The following C1R variants were observed in gnomAD, a reference collection of about 807,000 sequenced individuals.
C1R encodes the protein complement C1r.
In C1R, 15 loss-of-function variants were observed where a neutral mutation model predicts 27.6. That is an observed-to-expected ratio of 0.54 (90% CI 0.36 to 0.84). The LOEUF is 0.84. C1R is among the 40% of genes least tolerant of loss of function. The pLI is 0.01. For synonymous variants in C1R, 253 were observed against 228.8 expected (o/e 1.11, Z -0.95); for missense variants, 544 against 577.9 (o/e 0.94, Z 0.60).
Position 7,086,177 on chromosome 12 carries a change from T to G in C1R, c.1118-161A>C, listed in dbSNP as rs1273646851. Among the ~76,000 whole-genome samples, 7 of 152,186 alleles carry G rather than the reference T, an allele frequency of 4.6e-5. No homozygotes were observed. In the East Asian group the frequency reaches 1.4e-3, roughly 29 times the overall value. On this transcript the variant is annotated intron_variant, in intron 8 of 10. Coordinates refer to ENST00000647956, the MANE Select transcript of C1R (RefSeq NM_001733.7). The stretch of plus-strand genomic sequence containing the variant: ...TGGACAGGAGTTGGGTGGTATGAAA[T>G]TCAATTCTGGGTAGAGCCCATCCAT...
At chr12:7,086,556 C>T (rs1938159841) in intron 7 of C1R, 99 bp from the exon 8 acceptor site, 1 of 395,028 alleles carries the variant, frequency 2.5e-6, no homozygotes, top group African/African-American at 2.1e-5. Context: ...ACCAAGACAT[C>T]TCTTGGCTCC....
At position 7,091,551 on chromosome 12, in the gene C1R, T is replaced by A; in HGVS notation, c.132A>T (p.Thr44=). 1.3e-6 allele frequency: 1 copy of A among 778,288 alleles called. No homozygotes were observed. Among genetic ancestry groups the A allele is most frequent in the Non-Finnish European group, 2.4e-6 (1 of 416,914 alleles). 48.2% of individuals were successfully genotyped at this position (778,288 alleles called of 1,614,324 possible). A position where few individuals can be genotyped will look rare whatever the true frequency, so the allele number is the denominator to read the frequency against. The change falls in exon 2 of 11, where the codon ACA becomes ACT. Residue 44 remains threonine, a synonymous_variant. Coordinates refer to ENST00000647956, the MANE Select transcript of C1R (RefSeq NM_001733.7). This position sits in a 1 kb window ranked among gnomAD's most constrained non-coding sequence, Gnocchi z 5.1. ...FPKPYPNNFE[T]TTVITVPTGY... ...CCGTGGGGACTGTGATCACAGTGGT[T>A]GTTTCAAAGTTGTTGGGGTAAGGCT...
chr12:7,085,712 T>C (rs1938145970), intron 9 of C1R, 149 bp downstream of exon 9: 3 of 395,904 alleles, frequency 7.6e-6, no homozygotes, highest in Non-Finnish European at 1.3e-5. Context: ...ACCTACTAGG[T>C]TCCTGTTAGC....
chr12:7,082,700 G>A (rs1391462390), intron 9 of C1R, among the ~76,000 whole-genome samples: 2 of 152,148 alleles, frequency 1.3e-5, no homozygotes, highest in African/African-American at 4.8e-5. Flanking sequence ...AAACCAGAAG[G>A]AATATATCAA....
rs757501404 is a variant in C1R, at chr12:7,080,992, T to C, written c.1658A>G (p.Asn553Ser). 2.5e-6 allele frequency: 4 copies of C among 1,613,966 alleles called. No homozygotes were observed. Among genetic ancestry groups the C allele is most frequent in the South Asian group, 1.1e-5 (1 of 91,084 alleles). The change falls in exon 11 of 11, where the codon AAT (asparagine) becomes AGT (serine). Residue 553 changes from asparagine to serine, a missense_variant. Around this residue, in one of 2 missense-constraint regions of C1R, gnomAD observed 253 missense variants for 368.9 expected, o/e 0.69. Transcript: ENST00000647956. The surrounding 1 kb of genome is among the most constrained non-coding windows in gnomAD (Gnocchi z 4.9). Reference sequence around the variant, plus strand: ...CAGCAGGGCGATGTCCCCCTCAAAATTGTAGGACTCATCCTGACGGTAGTC... The same window carrying C: ...CAGCAGGGCGATGTCCCCCTCAAAACTGTAGGACTCATCCTGACGGTAGTC... Reference protein sequence around the residue: ...HPDYRQDESYNFEGDIALLEL... With the variant: ...HPDYRQDESYSFEGDIALLEL...
At chr12:7,086,836 T>C (rs1179324637) in intron 7 of C1R, 1 of 159,518 alleles carries the variant, frequency 6.3e-6, no homozygotes, top group Admixed American at 6.5e-5. Context: ...AGGGCAGAAC[T>C]GTGTTTCTCT....
chr12:7,089,937 C>T (rs1029753488), intron 3 of C1R, 119 bp downstream of exon 3: 14 of 700,860 alleles, frequency 2.0e-5, no homozygotes, highest in Admixed American at 1.0e-4. Context: ...AAAGCTCTCT[C>T]GAGGGGAGGA....
chr12:7,088,688 G>C lies in C1R; in HGVS notation c.960C>G (p.Ile320Met). Residue 320 changes from isoleucine to methionine, a missense_variant, in exon 7 of 11, where the codon ATC becomes ATG. Ile to Met is a conservative substitution (Grantham distance 10). Around this residue, in one of 2 missense-constraint regions of C1R, gnomAD observed 291 missense variants for 209.0 expected, o/e 1.39. Coordinates refer to ENST00000647956, the MANE Select transcript of C1R (RefSeq NM_001733.7). ...PQPKTLDEFT[I>M]IQNLQPQYQF... ...GGTACTGAGGCTGCAGGTTCTGGAT[G>C]ATGGTGAACTCGTCTAGGGTCTTGG... The C allele has an allele frequency of 1.3e-6, 1 of 773,516 alleles. No individual in the cohort carries two copies. The highest frequency in any genetic ancestry group is 2.4e-6 in the Non-Finnish European group (1 of 414,608). The allele number at this position is 773,516 out of a possible 1,614,324, so 47.9% of individuals were successfully genotyped here.
chr12:7,088,861 C>T lies in C1R; in HGVS notation c.894G>A (p.Trp298Ter). The T allele has an allele frequency of 2.6e-6, 2 of 774,166 alleles. No individual in the cohort carries two copies. The highest frequency in any genetic ancestry group is 4.8e-6 in the Non-Finnish European group (2 of 415,478). 48.0% of individuals were successfully genotyped at this position (774,166 alleles called of 1,614,324 possible). ...TACTCTCGGTGGTGTAGCGCAGCTT[C>T]CAGCCCCGGCTGTCCCCCGACTCAT... ...FTDESGDSRG[W>*]KLRYTTEIIK... Residue 298 changes from tryptophan (W) to a stop codon, truncating the protein, a stop_gained, in exon 6 of 11, where the codon TGG becomes TGA. Coordinates refer to ENST00000647956, the MANE Select transcript of C1R (RefSeq NM_001733.7). LOFTEE classifies it high-confidence loss of function.
intron 2 of C1R, among the ~76,000 whole-genome samples, chr12:7,090,858 G>A (rs781730034): frequency 4.5e-4 from 68 of 152,290 alleles, no homozygotes; most frequent in Non-Finnish European, 7.8e-4. Context: ...CCGGTAAGAC[G>A]TGCCATTGTC....
At position 7,085,079 on chromosome 12, in the gene C1R, G is replaced by A. The variant is rs909330707; in HGVS notation, c.1273+782C>T. The stretch of plus-strand genomic sequence containing the variant: ...TGGTGTTGGTAATGATAGTGGTGAT[G>A]GTGGTGATGGTGGTGTTAGTGTGGT... On this transcript the variant is annotated intron_variant, in intron 9 of 10. Coordinates refer to ENST00000647956, the MANE Select transcript of C1R (RefSeq NM_001733.7). Among the ~76,000 whole-genome samples the A allele has an allele frequency of 3.0e-3, 363 of 120,076 alleles. 9 individuals are homozygous for A. The East Asian group carries it at 0.063, about 21-fold the overall frequency. The allele number at this position is 120,076 out of a possible 152,430, so 78.8% of individuals were successfully genotyped here. A position where few individuals can be genotyped will look rare whatever the true frequency, so the allele number is the denominator to read the frequency against.
At chr12:7,084,973 T>A (rs1331662075) in intron 9 of C1R, among the ~76,000 whole-genome samples, 4 of 149,520 alleles carry the variant, frequency 2.7e-5, no homozygotes, top group Non-Finnish European at 5.9e-5. Context: ...ATGGTGATGG[T>A]GCTGATGATG....
At position 7,090,219 on chromosome 12, in the gene C1R, C is replaced by A. The variant is rs768142600; in HGVS notation, c.261G>T (p.Arg87Ser). The A allele has an allele frequency of 1.4e-6, 1 of 739,962 alleles. No homozygotes were observed. The highest frequency in any genetic ancestry group is 2.5e-6 in the Non-Finnish European group (1 of 395,982). 45.8% of individuals were successfully genotyped at this position (739,962 alleles called of 1,614,324 possible). A position where few individuals can be genotyped will look rare whatever the true frequency, so the allele number is the denominator to read the frequency against. ...KISADKKSLG[R>S]FCGQLGSPLG... is the part of the protein sequence containing the mutation. ...GTGGAGAACCCAGTTGCCCACAGAA[C>A]CTCCCCAGGCTTTTCTTATCAGCAG... Residue 87 changes from arginine (R) to serine (S), a missense_variant, in exon 3 of 11, where the codon AGG becomes AGT. Around this residue, in one of 2 missense-constraint regions of C1R, gnomAD observed 291 missense variants for 209.0 expected, o/e 1.39. Coordinates refer to ENST00000647956, the MANE Select transcript of C1R (RefSeq NM_001733.7).
chr12:7,092,148 C>T (rs2135746152), intron 1 of C1R: 1 of 612,260 alleles, frequency 1.6e-6, no homozygotes, highest in African/African-American at 1.8e-5. Context: ...TCTCGCTGCT[C>T]CCTGCCAAGA....
chr12:7,090,205 A>C lies in C1R; in HGVS notation c.275T>G (p.Leu92Arg), dbSNP rs1591591259. Reference protein sequence around the residue: ...KKSLGRFCGQLGSPLGNPPGK... With the variant: ...KKSLGRFCGQRGSPLGNPPGK... ...CGGGGGGTTGCCCAGTGGAGAACCC[A>C]GTTGCCCACAGAACCTCCCCAGGCT... Residue 92 changes from leucine (L) to arginine (R), a missense_variant, in exon 3 of 11, where the codon CTG becomes CGG. By Grantham distance (102) the Leu-to-Arg change is moderately radical (BLOSUM62 -2). This residue lies in a region of C1R where 291 missense variants were observed against 209.0 expected (regional missense o/e 1.39). Coordinates refer to ENST00000647956, the MANE Select transcript of C1R (RefSeq NM_001733.7). 5.4e-6 allele frequency: 4 copies of C among 746,124 alleles called. No individual in the cohort carries two copies. The highest frequency in any genetic ancestry group is 1.0e-5 in the Non-Finnish European group (4 of 399,372). 46.2% of individuals were successfully genotyped at this position (746,124 alleles called of 1,614,324 possible). A position where few individuals can be genotyped will look rare whatever the true frequency, so the allele number is the denominator to read the frequency against.
At chr12:7,085,257 T>C (rs1464100727) in intron 9 of C1R, among the ~76,000 whole-genome samples, 2 of 151,100 alleles carry the variant, frequency 1.3e-5, no homozygotes, top group Admixed American at 1.3e-4. Context: ...ATGGTGGTGG[T>C]GATCATGGTA....
chr12:7,081,731 G>T (rs1938068272), intron 10 of C1R, among the ~76,000 whole-genome samples: 2 of 152,146 alleles, frequency 1.3e-5, no homozygotes, highest in Non-Finnish European at 2.9e-5. Context: ...GACCTCAGGT[G>T]ATCCGCTTGC....
At chr12:7,084,990 G>T (rs1001468085) in intron 9 of C1R, among the ~76,000 whole-genome samples, 2 of 148,510 alleles carry the variant, frequency 1.3e-5, no homozygotes, top group South Asian at 2.1e-4. Flanking sequence ...GATGGTGTTG[G>T]TGGTGATGGT....
chr12:7,087,720 T>A (rs1938177004), intron 7 of C1R: 1 of 154,412 alleles, frequency 6.5e-6, no homozygotes, highest in African/African-American at 2.4e-5. Flanking sequence ...CATTCAAATG[T>A]GAGCTCCACA....
Sources: gnomAD v4.1 joint callset for allele counts (sites outside exome capture counted in the v4.1 genomes callset) on GRCh38, gnomAD v4.1.1 for gene constraint, gnomAD v4.1.1 regional missense constraint, Gnocchi (gnomAD v3.1) non-coding constraint, MANE v1.5 for transcripts, NCBI Gene and HGNC (gene_info 2026-07-23, HGNC 2026-07-21) for gene names.